Variants in OTUD7A observed in about 807,000 individuals in gnomAD.
OTUD7A encodes the protein OTU deubiquitinase 7A.
A neutral mutation model predicts 65.7 loss-of-function variants in OTUD7A; 12 were observed. That is an observed-to-expected ratio of 0.18 (90% confidence interval 0.12 to 0.30). OTUD7A has a LOEUF of 0.30. Among genes scored for constraint, OTUD7A ranks in the 10% least tolerant of loss-of-function variants. OTUD7A has a pLI of 1.00. For missense variants in OTUD7A, 1,148 were observed against 1,304.8 expected, an observed-to-expected ratio of 0.88 and a Z score of 1.85; for synonymous variants, 641 against 586.3, an observed-to-expected ratio of 1.09 and a Z score of -1.35.
At chr15:31,561,391 T>C (rs1298148054) in intron 4 of OTUD7A, among the ~76,000 whole-genome samples, 1 of 152,160 alleles carries the variant, frequency 6.6e-6, no homozygotes, top group Non-Finnish European at 1.5e-5. Flanking sequence ...GCCCCATTTT[T>C]CGGAATCTGA....
rs147274822 is a variant in OTUD7A at position 31,535,966 on chromosome 15, C to T, written c.551-5158G>A. 3.3e-3 allele frequency among the ~76,000 whole-genome samples: 507 copies of T among 152,258 alleles called. 4 individuals carry two copies. Among genetic ancestry groups the T allele is most frequent in the African/African-American group, 0.012 (487 of 41,524 alleles). On this transcript the variant is annotated intron_variant, in intron 5 of 12. Transcript: ENST00000307050. ...AAGTGCTGGGATTACAGGTGTGAGC[C>T]ACCGCGCCTGGCCGGGTTCTGTTTT... is the stretch of plus-strand genomic sequence containing the variant.
At chr15:31,603,371 T>G (rs940774163) in intron 3 of OTUD7A, among the ~76,000 whole-genome samples, 3 of 152,180 alleles carry the variant, frequency 2.0e-5, no homozygotes, top group Non-Finnish European at 4.4e-5. Context: ...TAAATAGTGT[T>G]GGGAAAACTG....
At chr15:31,802,967 G>A (rs1480404124) in intron 1 of OTUD7A, among the ~76,000 whole-genome samples, 1 of 152,198 alleles carries the variant, frequency 6.6e-6, no homozygotes, top group Admixed American at 6.5e-5. Flanking sequence ...CAGTCAGGAG[G>A]TTCTCCCAGG....
At chr15:31,763,466 G>T (rs1895024272) in intron 1 of OTUD7A, among the ~76,000 whole-genome samples, 1 of 152,012 alleles carries the variant, frequency 6.6e-6, no homozygotes, top group Admixed American at 6.6e-5. Context: ...GACTTGAAGA[G>T]AAATCAATAG....
At chr15:31,824,990 T>A (rs533090254) in intron 1 of OTUD7A, among the ~76,000 whole-genome samples, 1 of 152,310 alleles carries the variant, frequency 6.6e-6, no homozygotes, top group East Asian at 1.9e-4. Flanking sequence ...AAATAGGAAA[T>A]CACTGAGGGC....
At chr15:31,756,588 C>G (rs1894817968) in intron 1 of OTUD7A, among the ~76,000 whole-genome samples, 1 of 150,256 alleles carries the variant, frequency 6.7e-6, no homozygotes, top group Non-Finnish European at 1.5e-5. Context: ...TCACTGGGTC[C>G]TTTCTGAGGA....
At chr15:31,602,538 C>T (rs1890109684) in intron 3 of OTUD7A, among the ~76,000 whole-genome samples, 1 of 152,126 alleles carries the variant, frequency 6.6e-6, no homozygotes, top group South Asian at 2.1e-4. Flanking sequence ...CCTTTGAAAA[C>T]CAGCACAAGA....
chr15:31,597,671 C>T (rs1324444994), intron 3 of OTUD7A, among the ~76,000 whole-genome samples: 1 of 152,214 alleles, frequency 6.6e-6, no homozygotes, highest in Non-Finnish European at 1.5e-5. Context: ...CAGCTCTCTT[C>T]TGGAGGACTG....
intron 1 of OTUD7A, among the ~76,000 whole-genome samples, chr15:31,771,921 A>G (rs752145186): frequency 1.3e-5 from 2 of 152,170 alleles, no homozygotes; most frequent in East Asian, 1.9e-4. Flanking sequence ...CCTCTTGTTC[A>G]TGACCTCCTT....
intron 1 of OTUD7A, among the ~76,000 whole-genome samples, chr15:31,793,290 C>G (rs1895867685): frequency 6.6e-6 from 1 of 152,160 alleles, no homozygotes; most frequent in Admixed American, 6.5e-5. Flanking sequence ...CTGATGCCCT[C>G]CTGGGTTATC....
intron 3 of OTUD7A, among the ~76,000 whole-genome samples, chr15:31,625,759 A>G (rs1566949456): frequency 6.6e-6 from 1 of 152,202 alleles, no homozygotes; most frequent in Admixed American, 6.5e-5. Context: ...AACCACCCAG[A>G]TACCCATTAA....
chr15:31,674,357 T>A (rs1264753926), intron 1 of OTUD7A, among the ~76,000 whole-genome samples: 1 of 152,094 alleles, frequency 6.6e-6, no homozygotes, highest in Non-Finnish European at 1.5e-5. Flanking sequence ...GGGAGGCTGA[T>A]GAGAATTTCA....
intron 5 of OTUD7A, among the ~76,000 whole-genome samples, chr15:31,548,427 G>A (rs150300870): frequency 3.3e-5 from 5 of 152,162 alleles, no homozygotes; most frequent in South Asian, 2.1e-4. Flanking sequence ...AATGGGTCAC[G>A]TGGCAGAAAG....
At chr15:31,613,357 C>T (rs1444959645) in intron 3 of OTUD7A, among the ~76,000 whole-genome samples, 3 of 152,184 alleles carry the variant, frequency 2.0e-5, no homozygotes, top group Non-Finnish European at 4.4e-5. Context: ...AGTAAACAGA[C>T]AACCTCCAGA....
intron 3 of OTUD7A, among the ~76,000 whole-genome samples, chr15:31,628,117 T>C (rs969803130): frequency 1.3e-5 from 2 of 152,224 alleles, no homozygotes; most frequent in South Asian, 2.1e-4. Flanking sequence ...TTTGTCAATG[T>C]TGGCTTTTGT....
chr15:31,835,825 G>GAC (rs888731698), intron 1 of OTUD7A, among the ~76,000 whole-genome samples: 1 of 151,512 alleles, frequency 6.6e-6, no homozygotes, highest in South Asian at 2.1e-4. Context: ...TACACACACA[G>GAC]ACACACACAC....
At chr15:31,496,650 G>T (rs1289149836) in intron 10 of OTUD7A, among the ~76,000 whole-genome samples, 1 of 152,314 alleles carries the variant, frequency 6.6e-6, no homozygotes, top group East Asian at 1.9e-4. Flanking sequence ...AATCCTGCAA[G>T]AAAAAGCATG....
intron 3 of OTUD7A, among the ~76,000 whole-genome samples, chr15:31,610,304 A>G (rs1295834909): frequency 6.6e-6 from 1 of 152,028 alleles, no homozygotes; most frequent in Non-Finnish European, 1.5e-5. Context: ...AAATCTATAC[A>G]ACAGGTACTA....
intron 10 of OTUD7A, among the ~76,000 whole-genome samples, chr15:31,494,023 G>A (rs2041352289): frequency 6.6e-6 from 1 of 152,228 alleles, no homozygotes; most frequent in African/African-American, 2.4e-5. Flanking sequence ...TGAGGCCAAG[G>A]CCAGCCCCTG....
Sources: gnomAD v4.1 joint callset for allele counts (sites outside exome capture counted in the v4.1 genomes callset) on GRCh38, gnomAD v4.1.1 for gene constraint, MANE v1.5 for transcripts, NCBI Gene and HGNC (gene_info 2026-07-23, HGNC 2026-07-21) for gene names.